CSE1L: variants seen among roughly 807,000 people sequenced by gnomAD.
CSE1L encodes the protein exportin-2.
Under a neutral mutation model 120.4 loss-of-function variants are expected in CSE1L, and 24 were observed. That is an observed-to-expected ratio of 0.20 (90% CI 0.14 to 0.28). CSE1L has a LOEUF of 0.28. Ranked by LOEUF, CSE1L falls within the 10% of genes least tolerant of loss-of-function variation. The pLI is 1.00. For synonymous variants in CSE1L, 402 were observed against 398.3 expected (o/e 1.01, Z -0.11); for missense variants, 830 against 1,145.2 (o/e 0.72, Z 3.97).
chr20:49,047,718 A>C (rs1233363632), intron 1 of CSE1L, among the ~76,000 whole-genome samples: 2 of 150,536 alleles, frequency 1.3e-5, no homozygotes, highest in Non-Finnish European at 3.0e-5. Flanking sequence ...CTGAGACTAC[A>C]GGTCTGAGAC....
At chr20:49,076,623 G>T (rs2426117) in intron 12 of CSE1L, among the ~76,000 whole-genome samples, 1 of 144,066 alleles carries the variant, frequency 6.9e-6, no homozygotes, top group Non-Finnish European at 1.5e-5. Context: ...TCTGCCTCCC[G>T]GGTTCAAGCA....
At chr20:49,085,518 A>G (rs560646890) in intron 16 of CSE1L, 132 bp downstream of exon 16, 4 of 433,468 alleles carry the variant, frequency 9.2e-6, no homozygotes, top group Non-Finnish European at 1.6e-5. Context: ...GTTAGTTTAG[A>G]TATTTCAAAA....
chr20:49,050,563 C>T (rs1243534193), intron 1 of CSE1L, among the ~76,000 whole-genome samples: 6 of 151,326 alleles, frequency 4.0e-5, no homozygotes, highest in Admixed American at 6.6e-5. Context: ...CCACCACGCC[C>T]GGCTAATTTT....
Position 49,066,283 on chromosome 20 carries a change from T to C in CSE1L, c.320T>C (p.Ile107Thr). 1 of 1,614,144 alleles carries C rather than the reference T, an allele frequency of 6.2e-7. No homozygotes were observed. Among genetic ancestry groups the C allele is most frequent in the Non-Finnish European group, 8.5e-7 (1 of 1,179,998 alleles). ...VHLMLSSPEQ[I>T]QKQLSDAISI... ...TTGATGCTTAGCAGCCCAGAGCAAA[T>C]TCAGAAGCAGGTAATGTCGCTCCAC... Residue 107 changes from isoleucine to threonine, a missense_variant, in exon 4 of 25, where the codon ATT becomes ACT. By Grantham distance (89) the Ile-to-Thr change is moderately conservative (BLOSUM62 -1). Around this residue, in one of 4 missense-constraint regions of CSE1L, gnomAD observed 543 missense variants for 640.2 expected, o/e 0.85. Transcript: ENST00000262982.
At chr20:49,048,541 G>T (rs1285830039) in intron 1 of CSE1L, among the ~76,000 whole-genome samples, 2 of 152,102 alleles carry the variant, frequency 1.3e-5, no homozygotes, top group African/African-American at 2.4e-5. Flanking sequence ...GTGACATTTG[G>T]GTAGAGACCA....
chr20:49,091,727 AAAG>A (rs1239026984), intron 21 of CSE1L, among the ~76,000 whole-genome samples: 1 of 152,242 alleles, frequency 6.6e-6, no homozygotes, highest in Non-Finnish European at 1.5e-5. Flanking sequence ...TCACAAGAAA[AAAG>A]AAAATATTTT....
At chr20:49,066,043 T>C (rs2091889801) in intron 3 of CSE1L, 149 bp from the exon 4 acceptor site, 1 of 657,208 alleles carries the variant, frequency 1.5e-6, no homozygotes, top group Admixed American at 2.9e-5. Context: ...GACCCATTCA[T>C]GTAGAGGGAA....
chr20:49,060,108 C>A (rs1245813627), intron 2 of CSE1L, among the ~76,000 whole-genome samples: 1 of 151,348 alleles, frequency 6.6e-6, no homozygotes, highest in Non-Finnish European at 1.5e-5. Context: ...TCACTTATAC[C>A]CAAGAGGTCG....
intron 6 of CSE1L, 79 bp downstream of exon 6, chr20:49,067,359 C>T (rs2091900891): frequency 1.1e-6 from 1 of 900,046 alleles, no homozygotes; most frequent in Non-Finnish European, 1.7e-6. Context: ...TAAGAGAATG[C>T]TTTGAAAGCT....
In CSE1L at chr20:49,084,041, C is replaced by G. The variant is rs551478981; in HGVS notation, c.1498C>G (p.Leu500Val). The G allele has an allele frequency of 1.5e-5, 24 of 1,613,568 alleles. No individual in the cohort carries two copies. The highest frequency in any genetic ancestry group is 2.0e-5 in the Non-Finnish European group (24 of 1,179,626). ...IFRNQVPKEH[L>V]LVSIPLLINH... ...TGTTTTTTAGGTGCCAAAAGAACAT[C>G]TTTTAGTCTCGATTCCTCTCTTGAT... The change falls in exon 15 of 25, where the codon CTT becomes GTT. Residue 500 changes from leucine (L) to valine (V), a missense_variant. Around this residue, in one of 4 missense-constraint regions of CSE1L, gnomAD observed 543 missense variants for 640.2 expected, o/e 0.85. Transcript: ENST00000262982.
chr20:49,087,825 ACCCG>A (rs1273238348), intron 16 of CSE1L, among the ~76,000 whole-genome samples, 180 bp from the exon 17 acceptor site: 1 of 151,938 alleles, frequency 6.6e-6, no homozygotes, highest in Non-Finnish European at 1.5e-5. Flanking sequence ...TTTGTTGCCA[ACCCG>A]TCCTAATTTT....
intron 3 of CSE1L, among the ~76,000 whole-genome samples, chr20:49,064,761 G>A (rs977101616): frequency 1.3e-5 from 2 of 151,466 alleles, no homozygotes; most frequent in African/African-American, 4.9e-5. Context: ...AGACATGCCA[G>A]CCCTCTCCCT....
At position 49,084,135 on chromosome 20, in the gene CSE1L, C is replaced by T; in HGVS notation, c.1592C>T (p.Thr531Ile). 6.2e-7 allele frequency: 1 copy of T among 1,614,040 alleles called. No individual in the cohort carries two copies. The highest frequency in any genetic ancestry group is 2.2e-5 in the East Asian group (1 of 44,872). ...GCTCATGCTCTTGAACGGCTCTTTA[C>T]TATGCGAGGGCCTAACAATGCCACT... ...YAAHALERLFTMRGPNNATLF... is the reference protein window; with the variant it reads ...YAAHALERLFIMRGPNNATLF... The change falls in exon 15 of 25, where the codon ACT becomes ATT. Residue 531 changes from threonine (T) to isoleucine (I), a missense_variant. Transcript: ENST00000262982.
chr20:49,073,034 A>G (rs887776393), intron 10 of CSE1L, among the ~76,000 whole-genome samples: 2 of 151,912 alleles, frequency 1.3e-5, no homozygotes, highest in Non-Finnish European at 2.9e-5. Context: ...TATTTGAGAC[A>G]GGGGTCTCGC....
chr20:49,081,355 C>G (rs1484012004), intron 14 of CSE1L, among the ~76,000 whole-genome samples: 1 of 152,194 alleles, frequency 6.6e-6, no homozygotes, highest in African/African-American at 2.4e-5. Flanking sequence ...ATGACCACAG[C>G]TCACTGCAGC....
intron 14 of CSE1L, among the ~76,000 whole-genome samples, chr20:49,081,757 A>G (rs1366014082): frequency 1.7e-4 from 26 of 152,174 alleles, no homozygotes; most frequent in Non-Finnish European, 2.9e-5. Flanking sequence ...GTACTGAGAA[A>G]AAAATCAAAA....
intron 7 of CSE1L, among the ~76,000 whole-genome samples, chr20:49,069,889 G>A (rs2091919654): frequency 6.6e-6 from 1 of 152,224 alleles, no homozygotes; most frequent in African/African-American, 2.4e-5. Context: ...GAAAAGAAAG[G>A]GGATGTATTA....
chr20:49,058,237 C>T (rs550491673), intron 1 of CSE1L, among the ~76,000 whole-genome samples: 39 of 151,274 alleles, frequency 2.6e-4, no homozygotes, highest in Non-Finnish European at 4.7e-4. Flanking sequence ...TTTTTTTCAT[C>T]TCCCTTATCA....
At chr20:49,056,871 G>A (rs1235915903) in intron 1 of CSE1L, among the ~76,000 whole-genome samples, 3 of 151,846 alleles carry the variant, frequency 2.0e-5, no homozygotes. Context: ...GTGTGTGTGT[G>A]TGTGTGTGTG....
Sources: gnomAD v4.1 joint callset for allele counts (sites outside exome capture counted in the v4.1 genomes callset) on GRCh38, gnomAD v4.1.1 for gene constraint, gnomAD v4.1.1 regional missense constraint, MANE v1.5 for transcripts, NCBI Gene and HGNC (gene_info 2026-07-23, HGNC 2026-07-21) for gene names.